The following AP3B1 variants were observed in gnomAD, a reference collection of about 807,000 sequenced individuals.
The protein encoded by AP3B1 is AP-3 complex subunit beta-1.
AP3B1 carries 61 observed loss-of-function variants against 132.5 expected under a neutral mutation model. That is an observed-to-expected ratio of 0.46 (90% CI 0.37 to 0.57). AP3B1 has a LOEUF of 0.57. AP3B1 is among the 20% of genes least tolerant of loss of function. The pLI is 0.00. For missense variants in AP3B1, 1,120 were observed against 1,289.4 expected (o/e 0.87, Z 2.01); for synonymous variants, 388 against 438.3 (o/e 0.89, Z 1.43).
intron 7 of AP3B1, among the ~76,000 whole-genome samples, chr5:78,214,482 T>C (rs1302350419): frequency 6.6e-6 from 1 of 152,204 alleles, no homozygotes; most frequent in Admixed American, 6.5e-5. Context: ...CTCCAGTTTC[T>C]ATATAATTAC....
chr5:78,213,024 C>CAG (rs1430917413), intron 7 of AP3B1, among the ~76,000 whole-genome samples: 6 of 151,984 alleles, frequency 3.9e-5, no homozygotes, highest in South Asian at 2.1e-4. Context: ...ACTACAGGTG[C>CAG]CCGCCACCGT....
At chr5:78,119,513 A>G (rs1441213299) in intron 17 of AP3B1, among the ~76,000 whole-genome samples, 1 of 152,242 alleles carries the variant, frequency 6.6e-6, no homozygotes, top group African/African-American at 2.4e-5. Flanking sequence ...ATGGAGCTGA[A>G]AGCCAAGGCT....
At chr5:78,202,330 G>T (rs1300358070) in intron 7 of AP3B1, among the ~76,000 whole-genome samples, 2 of 152,038 alleles carry the variant, frequency 1.3e-5, no homozygotes. Context: ...TAAATTCTGA[G>T]ATTCATTTAT....
intron 22 of AP3B1, among the ~76,000 whole-genome samples, chr5:78,079,642 T>C (rs186762301): frequency 3.2e-4 from 49 of 152,326 alleles, no homozygotes; most frequent in Middle Eastern, 3.4e-3. Flanking sequence ...ATAGTTTTAT[T>C]TTAGTTATAC....
At chr5:78,031,326 C>G (rs1396927025) in intron 24 of AP3B1, among the ~76,000 whole-genome samples, 1 of 152,142 alleles carries the variant, frequency 6.6e-6, no homozygotes, top group African/African-American at 2.4e-5. Flanking sequence ...TAGGAAATGG[C>G]CTTTCCTCCC....
chr5:78,145,550 G>A (rs1472486497), intron 14 of AP3B1, among the ~76,000 whole-genome samples: 2 of 152,206 alleles, frequency 1.3e-5, no homozygotes, highest in African/African-American at 4.8e-5. Flanking sequence ...TCAGCAAGCT[G>A]TTGAGACCGG....
intron 22 of AP3B1, among the ~76,000 whole-genome samples, chr5:78,084,572 A>G (rs571817298): frequency 6.6e-6 from 1 of 151,046 alleles, no homozygotes; most frequent in South Asian, 2.1e-4. Flanking sequence ...GGAAGAGGAA[A>G]AGGAAAAGGA....
At chr5:78,135,289 T>C (rs1381603520) in intron 15 of AP3B1, among the ~76,000 whole-genome samples, 2 of 152,120 alleles carry the variant, frequency 1.3e-5, no homozygotes, top group African/African-American at 2.4e-5. Flanking sequence ...TCTACACATA[T>C]CCATATTTCA....
intron 21 of AP3B1, among the ~76,000 whole-genome samples, chr5:78,093,877 G>A (rs907914605): frequency 1.3e-5 from 2 of 152,200 alleles, no homozygotes; most frequent in Non-Finnish European, 2.9e-5. Context: ...GAGAGATTAA[G>A]TAAATTGCCC....
chr5:78,221,764 A>G (rs1580505658), intron 6 of AP3B1, among the ~76,000 whole-genome samples: 1 of 152,004 alleles, frequency 6.6e-6, no homozygotes, highest in Admixed American at 6.5e-5. Flanking sequence ...AATATTTAAA[A>G]TTATAATCTT....
At chr5:78,232,817 C>T (rs896060561) in intron 3 of AP3B1, among the ~76,000 whole-genome samples, 4 of 152,056 alleles carry the variant, frequency 2.6e-5, no homozygotes, top group Non-Finnish European at 2.9e-5. Context: ...AATGATTTTC[C>T]TGCCTCAGCC....
chr5:78,261,592 A>C (rs561338886), intron 2 of AP3B1, among the ~76,000 whole-genome samples: 77 of 152,262 alleles, frequency 5.1e-4, no homozygotes, highest in African/African-American at 1.6e-3. Context: ...CAGTCTCTCA[A>C]GTAGCTGGGA....
intron 24 of AP3B1, among the ~76,000 whole-genome samples, chr5:78,030,926 C>A (rs1254820855): frequency 6.6e-6 from 1 of 152,134 alleles, no homozygotes; most frequent in Non-Finnish European, 1.5e-5. Context: ...ACAATTCTCC[C>A]GCTTTGGCCT....
intron 26 of AP3B1, among the ~76,000 whole-genome samples, chr5:78,003,976 A>G (rs913163780): frequency 6.6e-6 from 1 of 152,150 alleles, no homozygotes; most frequent in Non-Finnish European, 1.5e-5. Context: ...TGTTCCACAC[A>G]CTTTTTGGGG....
At chr5:78,191,365 A>ACC (rs1262197709) in intron 7 of AP3B1, among the ~76,000 whole-genome samples, 4,367 of 150,614 alleles carry the variant, frequency 0.029, 143 homozygotes, top group East Asian at 0.13. Flanking sequence ...AAAAAAAAAA[A>ACC]AAAAAAAAAA....
intron 14 of AP3B1, among the ~76,000 whole-genome samples, chr5:78,144,105 C>CACACAG (rs961580312): frequency 1.3e-5 from 2 of 152,080 alleles, no homozygotes; most frequent in Admixed American, 6.6e-5. Flanking sequence ...TAATAATACA[C>CACACAG]ACACAGACAC....
chr5:78,211,549 C>G lies in AP3B1; in HGVS notation c.786+4506G>C, dbSNP rs753948866. 3.9e-5 allele frequency among the ~76,000 whole-genome samples: 6 copies of G among 152,262 alleles called. No individual in the cohort carries two copies. In the South Asian group the frequency reaches 1.2e-3, roughly 32 times the overall value. Reference sequence around the variant, plus strand: ...CAGCTCATCTCAAAAAGTGTATCTACGAATTTTCGATTCCTCAACAAAAAA... The same window carrying G: ...CAGCTCATCTCAAAAAGTGTATCTAGGAATTTTCGATTCCTCAACAAAAAA... On this transcript the variant is annotated intron_variant, in intron 7 of 26. Coordinates refer to ENST00000255194, the MANE Select transcript of AP3B1 (RefSeq NM_003664.5).
At chr5:78,200,089 A>C (rs9293726) in intron 7 of AP3B1, among the ~76,000 whole-genome samples, 84,264 of 151,636 alleles carry the variant, frequency 0.56, 23,622 homozygotes, top group Admixed American at 0.59. Context: ...CGGGGAAGGG[A>C]ACATGCTTAC....
intron 3 of AP3B1, among the ~76,000 whole-genome samples, chr5:78,231,008 T>C (rs368741268): frequency 9.2e-5 from 14 of 151,532 alleles, no homozygotes; most frequent in South Asian, 2.1e-4. Flanking sequence ...TAATCCCAGC[T>C]ACTGGGAAGG....
Sources: gnomAD v4.1 joint callset for allele counts (sites outside exome capture counted in the v4.1 genomes callset) on GRCh38, gnomAD v4.1.1 for gene constraint, MANE v1.5 for transcripts, NCBI Gene and HGNC (gene_info 2026-07-23, HGNC 2026-07-21) for gene names.